The following BNIP3 variants were observed in gnomAD, a reference collection of about 807,000 sequenced individuals.
The protein encoded by BNIP3 is BCL2/adenovirus E1B 19 kDa protein-interacting protein 3.
Under a neutral mutation model 23.9 loss-of-function variants are expected in BNIP3, and 16 were observed. That is an observed-to-expected ratio of 0.67 (90% CI 0.45 to 1.01). The LOEUF (loss-of-function observed/expected upper bound fraction) is 1.01. BNIP3 is among the 50% of genes least tolerant of loss of function. The pLI is 0.00. For synonymous variants in BNIP3, 81 were observed against 89.3 expected (o/e 0.91, Z 0.53); for missense variants, 198 against 248.7 (o/e 0.80, Z 1.37).
Position 131,979,364 on chromosome 10 carries a change from AAGAG to A in BNIP3, c.46+2393_46+2396del, listed in dbSNP as rs914192640. Among the ~76,000 whole-genome samples the A allele has an allele frequency of 1.4e-3, 213 of 152,300 alleles. 1 individual carries two copies. The highest frequency in any genetic ancestry group is 2.4e-4 in the Non-Finnish European group (16 of 68,018). ...TTGCCCATGGTGAGTTGCCTCTGAC[AAGAG>A]AGAGAACCATCTGCCAGTTGCAGAC... On this transcript the variant is annotated intron_variant, in intron 1 of 5. Transcript: ENST00000368636.
chr10:131,971,946 G>A (rs1024767214), intron 3 of BNIP3, among the ~76,000 whole-genome samples: 1 of 152,232 alleles, frequency 6.6e-6, no homozygotes, highest in African/African-American at 2.4e-5. Context: ...TACTAACCCT[G>A]CCTGGAAGGC....
chr10:131,979,014 G>C lies in BNIP3; in HGVS notation c.46+2747C>G, dbSNP rs552464804. ...TAAATCAGGTCCCTGGCTTCCAACG[G>C]GGCTCGTTTCCCTCCACCTTCCTGT... On this transcript the variant is annotated intron_variant, in intron 1 of 5. Transcript: ENST00000368636. Among the ~76,000 whole-genome samples the C allele has an allele frequency of 7.9e-4, 121 of 152,246 alleles. 1 individual carries two copies. The highest frequency in any genetic ancestry group is 2.7e-3 in the African/African-American group (111 of 41,546).
intron 3 of BNIP3, among the ~76,000 whole-genome samples, chr10:131,972,767 T>C (rs566427036): frequency 6.6e-6 from 1 of 152,242 alleles, no homozygotes; most frequent in South Asian, 2.1e-4. Flanking sequence ...GGTGTATCCC[T>C]GATGGCAGGC....
At chr10:131,979,288 T>C (rs1233348099) in intron 1 of BNIP3, among the ~76,000 whole-genome samples, 3 of 152,240 alleles carry the variant, frequency 2.0e-5, no homozygotes, top group African/African-American at 7.2e-5. Flanking sequence ...CACACAATGC[T>C]ACAACTCCAC....
In BNIP3 at chr10:131,981,825, CG is replaced by C; in HGVS notation, c.-20del. The C allele has an allele frequency of 2.1e-6, 3 of 1,453,046 alleles. No individual in the cohort carries two copies. The highest frequency in any genetic ancestry group is 2.7e-6 in the Non-Finnish European group (3 of 1,108,656). 90.0% of individuals were successfully genotyped at this position (1,453,046 alleles called of 1,614,324 possible). A position where few individuals can be genotyped will look rare whatever the true frequency, so the allele number is the denominator to read the frequency against. Reference sequence around the variant, plus strand: ...GCGACATGGCGCCAGAGGGCAACTGCGGCGATCGGAGTCCGCGCCGGGCTGC... The same window carrying C: ...GCGACATGGCGCCAGAGGGCAACTGCGCGATCGGAGTCCGCGCCGGGCTGC... On this transcript the variant is annotated 5_prime_UTR_variant, in exon 1 of 6. Transcript: ENST00000368636.
rs2037024826 is a variant in BNIP3, at chr10:131,970,817, G to A, written c.390-30C>T. The A allele has an allele frequency of 6.2e-7, 1 of 1,614,238 alleles. No individual in the cohort carries two copies. Among genetic ancestry groups the A allele is most frequent in the Non-Finnish European group, 8.5e-7 (1 of 1,180,044 alleles). ...GGCGGGAAGAAACGTGTCAGCTGATGTGTCCTCTGTCAAGGGGTGCCCCCG... is the reference window on the plus strand; with the variant it reads ...GGCGGGAAGAAACGTGTCAGCTGATATGTCCTCTGTCAAGGGGTGCCCCCG... On this transcript the variant is annotated intron_variant, in intron 4 of 5. Coordinates refer to ENST00000368636, the MANE Select transcript of BNIP3 (RefSeq NM_004052.4). This position sits in a 1 kb window ranked among gnomAD's most constrained non-coding sequence, Gnocchi z 4.1.
chr10:131,969,717 C>T (rs1279644827), intron 5 of BNIP3: 3 of 152,334 alleles, frequency 2.0e-5, no homozygotes, highest in African/African-American at 7.2e-5. Flanking sequence ...AGCCACAGAA[C>T]ACTGTCTGCA....
intron 5 of BNIP3, chr10:131,969,595 A>T (rs1052338006): frequency 6.6e-6 from 1 of 152,284 alleles, no homozygotes; most frequent in African/African-American, 2.4e-5. Context: ...CAGGAAACTC[A>T]GTGGCTTTTA....
At chr10:131,979,047 A>AG (rs1340745504) in intron 1 of BNIP3, among the ~76,000 whole-genome samples, 2 of 151,642 alleles carry the variant, frequency 1.3e-5, no homozygotes, top group Non-Finnish European at 2.9e-5. Context: ...TGTTGCCTCC[A>AG]GGACCTCTGG....
intron 2 of BNIP3, chr10:131,973,536 A>T (rs532178674): frequency 1.5e-4 from 83 of 540,086 alleles, no homozygotes; most frequent in African/African-American, 1.5e-3. Flanking sequence ...CGTTTCTCAG[A>T]GTGGGGTTTG....
In BNIP3 at chr10:131,976,938, G is replaced by A. The variant is rs777491721; in HGVS notation, c.47-2995C>T. Among the ~76,000 whole-genome samples the A allele has an allele frequency of 6.6e-6, 1 of 152,116 alleles. No homozygotes were observed. Among genetic ancestry groups the A allele is most frequent in the Admixed American group, 6.5e-5 (1 of 15,280 alleles). ...CACTGGTCAGGTTGTTCTGCCTATG[G>A]AGTCACCATCTTTTTACTGTTTTAC... On this transcript the variant is annotated intron_variant, in intron 1 of 5. Coordinates refer to ENST00000368636, the MANE Select transcript of BNIP3 (RefSeq NM_004052.4). This position sits in a 1 kb window ranked among gnomAD's most constrained non-coding sequence, Gnocchi z 4.3.
chr10:131,971,766 C>T (rs193214581), intron 3 of BNIP3, among the ~76,000 whole-genome samples: 4 of 152,380 alleles, frequency 2.6e-5, no homozygotes, highest in South Asian at 2.1e-4. Context: ...GCAGGCCGCA[C>T]GCCCTGGATG....
At chr10:131,972,144 G>C (rs935785412) in intron 3 of BNIP3, among the ~76,000 whole-genome samples, 6 of 152,202 alleles carry the variant, frequency 3.9e-5, no homozygotes, top group African/African-American at 1.4e-4. Flanking sequence ...TAGGAAGGGA[G>C]AACGATAGTA....
chr10:131,979,411 G>A (rs1483573328), intron 1 of BNIP3, among the ~76,000 whole-genome samples: 1 of 152,218 alleles, frequency 6.6e-6, no homozygotes, highest in Admixed American at 6.5e-5. Flanking sequence ...TGGGTGAAGA[G>A]GTGAGGGCTT....
At chr10:131,978,562 G>T (rs1016168224) in intron 1 of BNIP3, among the ~76,000 whole-genome samples, 1 of 152,124 alleles carries the variant, frequency 6.6e-6, no homozygotes, top group Non-Finnish European at 1.5e-5. Flanking sequence ...GCCCCACGTG[G>T]AGTAAACACA....
chr10:131,970,815 A>C lies in BNIP3; in HGVS notation c.390-28T>G. The stretch of plus-strand genomic sequence containing the variant: ...GAGGCGGGAAGAAACGTGTCAGCTG[A>C]TGTGTCCTCTGTCAAGGGGTGCCCC... On this transcript the variant is annotated intron_variant, in intron 4 of 5. Transcript: ENST00000368636. This position sits in a 1 kb window ranked among gnomAD's most constrained non-coding sequence, Gnocchi z 4.1. 2 of 1,614,188 alleles carry C rather than the reference A, an allele frequency of 1.2e-6. No individual in the cohort carries two copies. The highest frequency in any genetic ancestry group is 1.7e-6 in the Non-Finnish European group (2 of 1,180,034).
In BNIP3 at chr10:131,981,887, A is replaced by C. The variant is rs11556626; in HGVS notation, c.-81T>G. ...TCAGCTGCGGGCGGTGGGAAAGCGG[A>C]GGTCGGAGCGCCGCGGCCCAGCTGC... is the stretch of plus-strand genomic sequence containing the variant. On this transcript the variant is annotated 5_prime_UTR_variant, in exon 1 of 6. Coordinates refer to ENST00000368636, the MANE Select transcript of BNIP3 (RefSeq NM_004052.4). 0.11 allele frequency: 144,986 copies of C among 1,359,256 alleles called. 9,614 individuals are homozygous for C. The highest frequency in any genetic ancestry group is 0.38 in the East Asian group (12,383 of 32,188). The allele number at this position is 1,359,256 out of a possible 1,614,324, so 84.2% of individuals were successfully genotyped here.
In BNIP3 at chr10:131,981,821, A is replaced by T; in HGVS notation, c.-15T>A. ...TTCTGCGACATGGCGCCAGAGGGCA[A>T]CTGCGGCGATCGGAGTCCGCGCCGG... On this transcript the variant is annotated 5_prime_UTR_variant, in exon 1 of 6. In the 5' UTR this introduces an upstream ATG that the reference lacks. Coordinates refer to ENST00000368636, the MANE Select transcript of BNIP3 (RefSeq NM_004052.4). 6.9e-7 allele frequency: 1 copy of T among 1,459,284 alleles called. No individual in the cohort carries two copies. The highest frequency in any genetic ancestry group is 9.0e-7 in the Non-Finnish European group (1 of 1,111,088). The allele number at this position is 1,459,284 out of a possible 1,614,324, so 90.4% of individuals were successfully genotyped here.
At chr10:131,978,629 G>A (rs2037097258) in intron 1 of BNIP3, among the ~76,000 whole-genome samples, 1 of 152,162 alleles carries the variant, frequency 6.6e-6, no homozygotes, top group African/African-American at 2.4e-5. Context: ...CCTCAACTCT[G>A]GCTATGAAGG....
Sources: gnomAD v4.1 joint callset for allele counts (sites outside exome capture counted in the v4.1 genomes callset) on GRCh38, gnomAD v4.1.1 for gene constraint, Gnocchi (gnomAD v3.1) non-coding constraint, MANE v1.5 for transcripts, NCBI Gene and HGNC (gene_info 2026-07-23, HGNC 2026-07-21) for gene names.